The following PALM2AKAP2 variants were observed in gnomAD, a reference collection of about 807,000 sequenced individuals.
PALM2AKAP2 encodes PALM2 and AKAP2 fusion.
Under a neutral mutation model 71.5 loss-of-function variants are expected in PALM2AKAP2, and 37 were observed. The ratio of observed to expected loss-of-function variants is 0.52; its 90% CI spans 0.40 to 0.68. The LOEUF is 0.68. Among genes scored for constraint, PALM2AKAP2 ranks in the 30% least tolerant of loss-of-function variants. The pLI, the probability that PALM2AKAP2 is intolerant of heterozygous loss-of-function variation, is 0.00. For missense variants in PALM2AKAP2, 1,224 were observed against 1,191.8 expected, an observed-to-expected ratio of 1.03 and a Z score of -0.40; for synonymous variants, 468 against 478.8, an observed-to-expected ratio of 0.98 and a Z score of 0.29.
At chr9:109,861,060 T>C (rs552256780) in intron 1 of PALM2AKAP2, among the ~76,000 whole-genome samples, 1 of 152,308 alleles carries the variant, frequency 6.6e-6, no homozygotes. Flanking sequence ...GTAGGTCTTC[T>C]GGTCCCTTCC....
At chr9:109,766,732 T>C (rs1339356839) in intron 1 of PALM2AKAP2, among the ~76,000 whole-genome samples, 1 of 152,242 alleles carries the variant, frequency 6.6e-6, no homozygotes, top group Admixed American at 6.5e-5. Context: ...GTGCATTATT[T>C]ATCATCCTCA....
intron 1 of PALM2AKAP2, among the ~76,000 whole-genome samples, chr9:109,774,786 C>T (rs1829326102): frequency 6.6e-6 from 1 of 152,140 alleles, no homozygotes; most frequent in African/African-American, 2.4e-5. Context: ...TTCCAGAGCA[C>T]CTACCATGGC....
At chr9:110,026,114 G>A (rs1032627385) in intron 7 of PALM2AKAP2, among the ~76,000 whole-genome samples, 4 of 151,562 alleles carry the variant, frequency 2.6e-5, no homozygotes, top group Admixed American at 6.6e-5. Context: ...ACAGGGTCTC[G>A]CTATGTCACC....
chr9:110,016,983 C>T (rs961072328), intron 7 of PALM2AKAP2, among the ~76,000 whole-genome samples: 1 of 152,018 alleles, frequency 6.6e-6, no homozygotes, highest in East Asian at 1.9e-4. Flanking sequence ...GGGTTCATGC[C>T]ATTCTCCTGC....
chr9:109,947,774 C>G (rs1284437398), intron 6 of PALM2AKAP2, among the ~76,000 whole-genome samples: 1 of 152,198 alleles, frequency 6.6e-6, no homozygotes. Context: ...CAATAAAAAT[C>G]ATTCCAAAGT....
chr9:109,825,242 T>G (rs995610800), intron 1 of PALM2AKAP2, among the ~76,000 whole-genome samples: 22 of 152,282 alleles, frequency 1.4e-4, no homozygotes, highest in Non-Finnish European at 2.6e-4. Context: ...ATGTTAGACC[T>G]AAAACCATAA....
chr9:109,727,715 T>A (rs931049698), intron 1 of PALM2AKAP2, among the ~76,000 whole-genome samples: 3 of 152,210 alleles, frequency 2.0e-5, no homozygotes, highest in Non-Finnish European at 2.9e-5. Context: ...CACTCAATGG[T>A]CATATTTTTC....
At chr9:110,135,172 A>AAAAAAAAAAT (rs1554755284) in intron 1 of PALM2AKAP2, among the ~76,000 whole-genome samples, 1 of 61,100 alleles carries the variant, frequency 1.6e-5, no homozygotes, top group Non-Finnish European at 3.1e-5. Context: ...AAAATATATA[A>AAAAAAAAAAT]ATATATATAT....
chr9:109,768,006 T>TGGGATGGA (rs1441815974), intron 1 of PALM2AKAP2, among the ~76,000 whole-genome samples: 10 of 101,056 alleles, frequency 9.9e-5, no homozygotes, highest in African/African-American at 3.3e-4. Flanking sequence ...CAAAGGCAGG[T>TGGGATGGA]AGGTAGGAAG....
intron 3 of PALM2AKAP2, among the ~76,000 whole-genome samples, chr9:109,912,434 T>C (rs1830591325): frequency 6.6e-6 from 1 of 152,206 alleles, no homozygotes; most frequent in Admixed American, 6.5e-5. Context: ...TAACATGTTT[T>C]CATATTAAAA....
intron 1 of PALM2AKAP2, among the ~76,000 whole-genome samples, chr9:110,082,082 T>TTTTTG (rs58324942): frequency 1.3e-4 from 19 of 151,738 alleles, no homozygotes; most frequent in Admixed American, 5.2e-4. Context: ...AAGCAGTGGC[T>TTTTTG]TTTTGTTTTG....
intron 1 of PALM2AKAP2, among the ~76,000 whole-genome samples, chr9:110,060,803 T>C (rs1182219480): frequency 6.6e-6 from 1 of 152,118 alleles, no homozygotes; most frequent in African/African-American, 2.4e-5. Context: ...GATTTCGCCA[T>C]GTTGGCCAGG....
intron 1 of PALM2AKAP2, among the ~76,000 whole-genome samples, chr9:109,690,467 T>C (rs143666315): frequency 6.6e-6 from 1 of 152,194 alleles, no homozygotes; most frequent in Non-Finnish European, 1.5e-5. Context: ...CCAAAAAATA[T>C]AGTTGGCTTT....
At chr9:109,913,882 G>A (rs530295884) in intron 3 of PALM2AKAP2, among the ~76,000 whole-genome samples, 1,585 of 150,288 alleles carry the variant, frequency 0.011, 21 homozygotes, top group Non-Finnish European at 0.013. Context: ...TCAGCCTCCC[G>A]AGTTGCTGGG....
At chr9:109,969,560 CATG>C in intron 6 of PALM2AKAP2, among the ~76,000 whole-genome samples, 1 of 152,232 alleles carries the variant, frequency 6.6e-6, no homozygotes, top group African/African-American at 2.4e-5. Context: ...CACCCAAGGT[CATG>C]CAAAGGTGAC....
intron 6 of PALM2AKAP2, among the ~76,000 whole-genome samples, chr9:110,009,558 C>CA (rs1377433794): frequency 6.6e-6 from 1 of 151,710 alleles, no homozygotes; most frequent in East Asian, 1.9e-4. Context: ...ACTAAAAATA[C>CA]AAAAAATTAG....
chr9:110,162,366 A>T (rs758440884), intron 3 of PALM2AKAP2, among the ~76,000 whole-genome samples: 2 of 152,066 alleles, frequency 1.3e-5, no homozygotes, highest in Non-Finnish European at 2.9e-5. Context: ...GGCGAGTGGG[A>T]GGGTACTGGG....
At chr9:109,679,035 C>T (rs1469240069) in intron 1 of PALM2AKAP2, among the ~76,000 whole-genome samples, 3 of 152,104 alleles carry the variant, frequency 2.0e-5, no homozygotes, top group Non-Finnish European at 4.4e-5. Context: ...TTTTAGAAAT[C>T]TTCATGCACC....
chr9:109,952,223 C>T (rs746028193), intron 6 of PALM2AKAP2, among the ~76,000 whole-genome samples: 1 of 152,130 alleles, frequency 6.6e-6, no homozygotes, highest in Non-Finnish European at 1.5e-5. Context: ...ATGCTGGGTC[C>T]GATTTGGCCT....
Sources: allele counts gnomAD v4.1 joint callset (sites outside exome capture counted in the v4.1 genomes callset), GRCh38; gene constraint gnomAD v4.1.1; transcripts MANE v1.5; gene names NCBI Gene and HGNC (gene_info 2026-07-23, HGNC 2026-07-21).